The following ALDH1L2 variants were observed in gnomAD, a reference collection of about 807,000 sequenced individuals.
ALDH1L2 encodes the protein aldehyde dehydrogenase 1 family member L2.
Under a neutral mutation model 111.0 loss-of-function variants are expected in ALDH1L2, and 91 were observed. The ratio of observed to expected loss-of-function variants is 0.82; its 90% CI spans 0.69 to 0.98. The LOEUF (loss-of-function observed/expected upper bound fraction) is 0.98, where lower values mean the gene tolerates loss of function less well. Among genes scored for constraint, ALDH1L2 ranks in the 50% least tolerant of loss-of-function variants. The pLI is 0.00. For synonymous variants in ALDH1L2, 374 were observed against 392.6 expected, an observed-to-expected ratio of 0.95 and a Z score of 0.56; for missense variants, 995 against 1,126.8, an observed-to-expected ratio of 0.88 and a Z score of 1.67.
intron 1 of ALDH1L2, among the ~76,000 whole-genome samples, chr12:105,084,096 C>G (rs1466961980): frequency 6.6e-6 from 1 of 152,156 alleles, no homozygotes; most frequent in Non-Finnish European, 1.5e-5. Flanking sequence ...AGTGACTGTT[C>G]CCACCTTGCC....
Position 105,046,997 on chromosome 12 carries a change from T to C in ALDH1L2, c.1687-28A>G, listed in dbSNP as rs549577632. The C allele has an allele frequency of 2.5e-6, 4 of 1,601,442 alleles. No homozygotes were observed. In the African/African-American group the frequency reaches 4.0e-5, roughly 16 times the overall value. On this transcript the variant is annotated intron_variant, in intron 13 of 22. Transcript: ENST00000258494. ...AAAGAATGAGAAAAGTTGATACTTA[T>C]TTTACTAATTTAAATAAGTAAATTT...
Position 105,034,374 on chromosome 12 carries a change from T to A in ALDH1L2, c.2170A>T (p.Lys724Ter). 1 of 1,610,754 alleles carries A rather than the reference T, an allele frequency of 6.2e-7. No homozygotes were observed. The highest frequency in any genetic ancestry group is 8.5e-7 in the Non-Finnish European group (1 of 1,179,218). ...RMGMGAVFFN[K>*]GENCIAAGRL... ...CCAGCAGCAATACAGTTCTCTCCTT[T>A]GTTGAAAAATACTGCTCCCATGCCC... The change falls in exon 19 of 23, where the codon AAA becomes TAA. Residue 724 changes from lysine to a stop codon, truncating the protein, a stop_gained. Coordinates refer to ENST00000258494, the MANE Select transcript of ALDH1L2 (RefSeq NM_001034173.4). LOFTEE classifies it high-confidence loss of function.
chr12:105,034,046 A>G (rs1346278216), intron 19 of ALDH1L2, among the ~76,000 whole-genome samples: 2 of 151,766 alleles, frequency 1.3e-5, no homozygotes, highest in South Asian at 2.1e-4. Context: ...ACAACTACCA[A>G]CTCCTGGCCA....
chr12:105,070,520 C>T (rs746592119), intron 3 of ALDH1L2, 50 bp downstream of exon 3: 45 of 1,450,340 alleles, frequency 3.1e-5, no homozygotes, highest in Middle Eastern at 2.4e-4. Context: ...GACTGGGCAA[C>T]ATAGCAAGAC....
At chr12:105,048,845 A>G (rs1876075985) in intron 13 of ALDH1L2, among the ~76,000 whole-genome samples, 1 of 152,046 alleles carries the variant, frequency 6.6e-6, no homozygotes, top group African/African-American at 2.4e-5. Context: ...AGCCTGGCCA[A>G]CATGGTGAAA....
rs1009300138 is a variant in ALDH1L2, at chr12:105,063,008, A to G, written c.801T>C (p.Tyr267=). The change falls in exon 7 of 23, where the codon TAT becomes TAC. Residue 267 remains tyrosine (Y), a synonymous_variant. Transcript: ENST00000258494. ...CAGAGCTATTCAGTAATGTCGAGCC[A>G]TAGAAAGTGACCATCTAGTAAAGAG... ...TEINGQMVTF[Y]GSTLLNSSVP... The G allele has an allele frequency of 5.0e-6, 8 of 1,612,854 alleles. No homozygotes were observed. Among genetic ancestry groups the G allele is most frequent in the Non-Finnish European group, 5.9e-6 (7 of 1,179,682 alleles).
chr12:105,036,091 T>A lies in ALDH1L2; in HGVS notation c.2146-1693A>T, dbSNP rs184514086. 6.1e-3 allele frequency among the ~76,000 whole-genome samples: 325 copies of A among 53,008 alleles called. 3 individuals carry two copies. The highest frequency in any genetic ancestry group is 0.012 in the Middle Eastern group (1 of 86). 34.8% of individuals were successfully genotyped at this position (53,008 alleles called of 152,430 possible). A position where few individuals can be genotyped will look rare whatever the true frequency, so the allele number is the denominator to read the frequency against. On this transcript the variant is annotated intron_variant, in intron 18 of 22. Coordinates refer to ENST00000258494, the MANE Select transcript of ALDH1L2 (RefSeq NM_001034173.4). Reference sequence around the variant, plus strand: ...ACGTATATTTATATATGTGTATATATTATATATACGTATATTTATATATGT... The same window carrying A: ...ACGTATATTTATATATGTGTATATAATATATATACGTATATTTATATATGT...
chr12:105,072,559 C>T (rs1877799062), intron 2 of ALDH1L2: 1 of 152,112 alleles, frequency 6.6e-6, no homozygotes, highest in African/African-American at 2.4e-5. Context: ...ACTCATATGT[C>T]AGATGACAGG....
Position 105,065,350 on chromosome 12 carries a change from A to C in ALDH1L2, c.703T>G (p.Trp235Gly). 1 of 1,610,312 alleles carries C rather than the reference A, an allele frequency of 6.2e-7. No individual in the cohort carries two copies. The highest frequency in any genetic ancestry group is 1.1e-5 in the South Asian group (1 of 91,048). The change falls in exon 6 of 23, where the codon TGG becomes GGG. Residue 235 changes from tryptophan to glycine, a missense_variant. Physicochemically the swap from Trp to Gly is radical, Grantham distance 184. Transcript: ENST00000258494. ...TGTAAAACTTCGGCAGACTGGTCCC[A>C]AGAAATCTAGGAAGGCACAAAATAC... The part of the protein sequence containing the change: ...IQKKENAEIS[W>G]DQSAEVLHNW...
chr12:105,041,777 T>C (rs550496724), intron 15 of ALDH1L2, among the ~76,000 whole-genome samples: 1 of 152,210 alleles, frequency 6.6e-6, no homozygotes, highest in African/African-American at 2.4e-5. Flanking sequence ...TTATCATCGT[T>C]TACTATTGTT....
At chr12:105,077,989 G>A (rs1274658847) in intron 1 of ALDH1L2, among the ~76,000 whole-genome samples, 3 of 152,164 alleles carry the variant, frequency 2.0e-5, no homozygotes, top group African/African-American at 7.2e-5. Context: ...GGAGCATCCG[G>A]CACAGAGTGC....
rs117773549 is a variant in ALDH1L2, at chr12:105,035,901, G to A, written c.2146-1503C>T. ...CACATATATATACGTATATTTATAT[G>A]TGTATATATATTATATATATACATA... On this transcript the variant is annotated intron_variant, in intron 18 of 22. Coordinates refer to ENST00000258494, the MANE Select transcript of ALDH1L2 (RefSeq NM_001034173.4). 2.0e-4 allele frequency among the ~76,000 whole-genome samples: 16 copies of A among 78,902 alleles called. 1 individual carries two copies. Among genetic ancestry groups the A allele is most frequent in the African/African-American group, 9.8e-4 (11 of 11,186 alleles). The allele number at this position is 78,902 out of a possible 152,430, so 51.8% of individuals were successfully genotyped here.
intron 15 of ALDH1L2, among the ~76,000 whole-genome samples, chr12:105,040,980 A>G (rs188496230): frequency 3.1e-3 from 469 of 152,372 alleles, no homozygotes; most frequent in Admixed American, 3.8e-3. Context: ...TTTAAGGAAT[A>G]TCTGTTTCTG....
chr12:105,046,197 A>C (rs942900010), intron 15 of ALDH1L2, among the ~76,000 whole-genome samples: 782 of 19,024 alleles, frequency 0.041, 4 homozygotes, highest in Non-Finnish European at 0.051. Flanking sequence ...CTCTCTCTAT[A>C]TATATATATA....
In ALDH1L2 at chr12:105,023,423, T is replaced by G. The variant is rs934452269; in HGVS notation, c.*1001A>C. 2 of 152,176 alleles carry G rather than the reference T, an allele frequency of 1.3e-5. No homozygotes were observed. Among genetic ancestry groups the G allele is most frequent in the African/African-American group, 4.8e-5 (2 of 41,436 alleles). 9.4% of individuals were successfully genotyped at this position (152,176 alleles called of 1,614,324 possible). On this transcript the variant is annotated 3_prime_UTR_variant, in exon 23 of 23. Transcript: ENST00000258494. ...GTCAGAACAATGGATGAGAAAAATA[T>G]CTAGGAATTGATGATTGAAAAGGGT...
intron 1 of ALDH1L2, among the ~76,000 whole-genome samples, chr12:105,083,512 T>C (rs537121060): frequency 1.3e-5 from 2 of 152,328 alleles, no homozygotes; most frequent in Non-Finnish European, 2.9e-5. Flanking sequence ...TTTTTACATC[T>C]GAATATATAC....
chr12:105,050,168 G>T, intron 12 of ALDH1L2, 110 bp from the exon 13 acceptor site: 1 of 1,073,156 alleles, frequency 9.3e-7, no homozygotes, highest in Non-Finnish European at 1.3e-6. Context: ...ATATGGATCA[G>T]ATCTCTGCCC....
At position 105,024,104 on chromosome 12, in the gene ALDH1L2, A is replaced by G; in HGVS notation, c.*320T>C. 1 of 397,318 alleles carries G rather than the reference A, an allele frequency of 2.5e-6. No homozygotes were observed. Among genetic ancestry groups the G allele is most frequent in the Admixed American group, 4.0e-5 (1 of 24,698 alleles). 24.6% of individuals were successfully genotyped at this position (397,318 alleles called of 1,614,324 possible). Reference sequence around the variant, plus strand: ...CCAATAAATGCACCTTGTGTATTATAACTGCATGGTACTGACATCTTCAAG... The same window carrying G: ...CCAATAAATGCACCTTGTGTATTATGACTGCATGGTACTGACATCTTCAAG... On this transcript the variant is annotated 3_prime_UTR_variant, in exon 23 of 23. Coordinates refer to ENST00000258494, the MANE Select transcript of ALDH1L2 (RefSeq NM_001034173.4).
At position 105,070,497 on chromosome 12, in the gene ALDH1L2, G is replaced by A. The variant is rs987508249; in HGVS notation, c.428+73C>T. On this transcript the variant is annotated intron_variant, in intron 3 of 22. Transcript: ENST00000258494. ...AGGCAGAAGGATCATTTGAGCCCAG[G>A]AGTTTGAACCCAGACTGGGCAACAT... 11 of 1,240,162 alleles carry A rather than the reference G, an allele frequency of 8.9e-6. No homozygotes were observed. The Admixed American group carries it at 2.2e-4, about 25-fold the overall frequency. 76.8% of individuals were successfully genotyped at this position (1,240,162 alleles called of 1,614,324 possible).
Sources: allele counts gnomAD v4.1 joint callset (sites outside exome capture counted in the v4.1 genomes callset), GRCh38; gene constraint gnomAD v4.1.1; transcripts MANE v1.5; gene names NCBI Gene and HGNC (gene_info 2026-07-23, HGNC 2026-07-21).